The following OSBPL1A variants were observed in gnomAD, a reference collection of about 807,000 sequenced individuals.
OSBPL1A encodes the protein oxysterol-binding protein-related protein 1.
A neutral mutation model predicts 137.1 loss-of-function variants in OSBPL1A; 80 were observed. The ratio of observed to expected loss-of-function variants is 0.58; its 90% confidence interval spans 0.49 to 0.70. OSBPL1A has a LOEUF of 0.70. Ranked by LOEUF, OSBPL1A falls within the 30% of genes least tolerant of loss-of-function variation. OSBPL1A has a pLI of 0.00. For missense variants in OSBPL1A, 970 were observed against 1,129.4 expected (o/e 0.86, Z 2.02); for synonymous variants, 365 against 389.7 (o/e 0.94, Z 0.75).
chr18:24,323,535 TTTTC>T lies in OSBPL1A; in HGVS notation c.626-4730_626-4727del, dbSNP rs2090908805. 4.8e-5 allele frequency among the ~76,000 whole-genome samples: 3 copies of T among 62,312 alleles called. 1 individual carries two copies. Among genetic ancestry groups the T allele is most frequent in the African/African-American group, 3.8e-4 (2 of 5,216 alleles). The allele number at this position is 62,312 out of a possible 152,430, so 40.9% of individuals were successfully genotyped here. A position where few individuals can be genotyped will look rare whatever the true frequency, so the allele number is the denominator to read the frequency against. On this transcript the variant is annotated intron_variant, in intron 7 of 27. Coordinates refer to ENST00000319481, the MANE Select transcript of OSBPL1A (RefSeq NM_080597.4). The stretch of plus-strand genomic sequence containing the variant: ...CACCACACCCAGCCAGGGTGAGGCT[TTTTC>T]TTTTTTTTTTTTTTTTTTTTTTATT...
chr18:24,264,875 G>A (rs935937687), intron 15 of OSBPL1A, among the ~76,000 whole-genome samples: 1 of 152,148 alleles, frequency 6.6e-6, no homozygotes, highest in Non-Finnish European at 1.5e-5. Flanking sequence ...CGCTCCTAGC[G>A]GCATATGCTT....
In OSBPL1A at chr18:24,381,723, C is replaced by T. The variant is rs141343755; in HGVS notation, c.-2-4188G>A. Among the ~76,000 whole-genome samples the T allele has an allele frequency of 1.2e-3, 188 of 152,028 alleles. 1 individual carries two copies. The highest frequency in any genetic ancestry group is 2.1e-3 in the Non-Finnish European group (141 of 67,970). On this transcript the variant is annotated intron_variant, in intron 1 of 27. Transcript: ENST00000319481. ...TTGTAATCCCAGCACTTTGGGAGGCCGAGGAGGGCAGATCACTTGAGGTCA... is the reference window on the plus strand; with the variant it reads ...TTGTAATCCCAGCACTTTGGGAGGCTGAGGAGGGCAGATCACTTGAGGTCA...
chr18:24,281,589 C>T (rs549246558), intron 14 of OSBPL1A, among the ~76,000 whole-genome samples: 2 of 151,890 alleles, frequency 1.3e-5, no homozygotes, highest in Non-Finnish European at 2.9e-5. Context: ...TGGGGTTTCA[C>T]AACGTTGGCC....
At chr18:24,225,955 G>A (rs1019037559) in intron 16 of OSBPL1A, among the ~76,000 whole-genome samples, 9 of 152,144 alleles carry the variant, frequency 5.9e-5, no homozygotes, top group Non-Finnish European at 1.0e-4. Flanking sequence ...CCTGGGCAGA[G>A]TGAGACCCTG....
At chr18:24,200,301 C>T (rs977893152) in intron 17 of OSBPL1A, among the ~76,000 whole-genome samples, 24 of 152,286 alleles carry the variant, frequency 1.6e-4, no homozygotes, top group African/African-American at 5.5e-4. Flanking sequence ...CCATGGCTCA[C>T]GCCTGTAATC....
At chr18:24,292,716 G>GT (rs2090198031) in intron 14 of OSBPL1A, among the ~76,000 whole-genome samples, 1 of 152,150 alleles carries the variant, frequency 6.6e-6, no homozygotes. Context: ...AGAAACTGCA[G>GT]TAAGGTAGAG....
At chr18:24,248,450 T>C (rs2088970910) in intron 15 of OSBPL1A, among the ~76,000 whole-genome samples, 1 of 152,210 alleles carries the variant, frequency 6.6e-6, no homozygotes, top group Non-Finnish European at 1.5e-5. Context: ...CTTACAGGCA[T>C]TGCCATCTTC....
intron 15 of OSBPL1A, among the ~76,000 whole-genome samples, chr18:24,270,787 T>C (rs1161519720): frequency 1.3e-5 from 2 of 151,846 alleles, no homozygotes; most frequent in Non-Finnish European, 2.9e-5. Flanking sequence ...CCAACACACA[T>C]TTCAAGCATT....
At chr18:24,324,405 T>C (rs2090926754) in intron 7 of OSBPL1A, among the ~76,000 whole-genome samples, 1 of 48,810 alleles carries the variant, frequency 2.0e-5, no homozygotes, top group Non-Finnish European at 3.8e-5. Flanking sequence ...AAATTTCAGA[T>C]GCTTCTGTCT....
intron 15 of OSBPL1A, among the ~76,000 whole-genome samples, chr18:24,253,017 A>C (rs664323): frequency 0.93 from 141,117 of 151,864 alleles, 65,748 homozygotes; most frequent in Admixed American, 0.97. Context: ...GAGAAAAGCA[A>C]CTTCACTAAA....
chr18:24,328,629 T>C (rs1027677791), intron 7 of OSBPL1A, among the ~76,000 whole-genome samples: 1 of 152,134 alleles, frequency 6.6e-6, no homozygotes, highest in Non-Finnish European at 1.5e-5. Flanking sequence ...GAGAATAGTA[T>C]GTGCAAGGTG....
chr18:24,174,107 C>T (rs1169896719), intron 21 of OSBPL1A, among the ~76,000 whole-genome samples: 1 of 152,204 alleles, frequency 6.6e-6, no homozygotes, highest in Non-Finnish European at 1.5e-5. Flanking sequence ...GGATATGCCA[C>T]AGTTTGTGTG....
At chr18:24,196,520 T>A (rs2087037040) in intron 17 of OSBPL1A, among the ~76,000 whole-genome samples, 1 of 152,214 alleles carries the variant, frequency 6.6e-6, no homozygotes, top group African/African-American at 2.4e-5. Flanking sequence ...TTATGGCACA[T>A]CTGACCCTGT....
At chr18:24,195,918 T>A in intron 18 of OSBPL1A, 1 of 507,550 alleles carries the variant, frequency 2.0e-6, no homozygotes. Flanking sequence ...TTTTTTTTTT[T>A]ACATCAAAAA....
rs2086245138 is a variant in OSBPL1A at position 24,170,351 on chromosome 18, T to C, written c.2394A>G (p.Thr798=). Residue 798 remains threonine, a synonymous_variant, in exon 24 of 28, where the codon ACA becomes ACG. Coordinates refer to ENST00000319481, the MANE Select transcript of OSBPL1A (RefSeq NM_080597.4). ...DAYKKNDKKN[T]EEKKNSKQMS... Reference sequence around the variant, plus strand: ...CCTGTTTGCTGTTCTTCTTCTCTTCTGTATTTTTCTTATCATTTTTTTTGT... The same window carrying C: ...CCTGTTTGCTGTTCTTCTTCTCTTCCGTATTTTTCTTATCATTTTTTTTGT... 8.1e-6 allele frequency: 13 copies of C among 1,614,210 alleles called. No individual in the cohort carries two copies. Among genetic ancestry groups the C allele is most frequent in the Non-Finnish European group, 1.0e-5 (12 of 1,180,032 alleles).
chr18:24,353,293 C>A (rs865911506), intron 4 of OSBPL1A, among the ~76,000 whole-genome samples: 1 of 152,068 alleles, frequency 6.6e-6, no homozygotes, highest in Non-Finnish European at 1.5e-5. Context: ...AAGACATTTA[C>A]GCAGCCAAAA....
intron 16 of OSBPL1A, among the ~76,000 whole-genome samples, chr18:24,234,340 C>T (rs1172629242): frequency 6.6e-6 from 1 of 152,208 alleles, no homozygotes; most frequent in Non-Finnish European, 1.5e-5. Context: ...AACACACCCA[C>T]TCCCACACCC....
intron 4 of OSBPL1A, chr18:24,347,723 TC>T (rs2091368616): frequency 6.7e-6 from 1 of 149,832 alleles, no homozygotes; most frequent in African/African-American, 2.5e-5. Flanking sequence ...ATGGCTGTAA[TC>T]CCAACTACTC....
At chr18:24,229,717 T>C (rs773251625) in intron 16 of OSBPL1A, among the ~76,000 whole-genome samples, 4 of 152,210 alleles carry the variant, frequency 2.6e-5, no homozygotes, top group Non-Finnish European at 5.9e-5. Context: ...GTGCTACATC[T>C]TGGTATCTAT....
Sources: gnomAD v4.1 joint callset for allele counts (sites outside exome capture counted in the v4.1 genomes callset) on GRCh38, gnomAD v4.1.1 for gene constraint, MANE v1.5 for transcripts, NCBI Gene and HGNC (gene_info 2026-07-23, HGNC 2026-07-21) for gene names.